ANXA8: variants seen among roughly 807,000 people sequenced by gnomAD.
ANXA8 encodes VAC-beta.
Under a neutral mutation model 26.8 loss-of-function variants are expected in ANXA8, and 9 were observed. The observed-to-expected ratio is 0.34, with a 90% CI of 0.20 to 0.59. The LOEUF is 0.59. Ranked by LOEUF, ANXA8 falls within the 20% of genes least tolerant of loss-of-function variation. The pLI is 0.84. For synonymous variants in ANXA8, 39 were observed against 94.8 expected (o/e 0.41, Z 3.42); for missense variants, 83 against 238.5 (o/e 0.35, Z 4.29).
At chr10:47,700,123 T>C in the ANXA8 span, among the ~76,000 whole-genome samples, 1 of 151,984 alleles carries the variant, frequency 6.6e-6, no homozygotes, top group Non-Finnish European at 1.5e-5. Flanking sequence ...AATGAAAATA[T>C]ATGTGTTGTG....
At chr10:47,747,950 A>C in the ANXA8 span, among the ~76,000 whole-genome samples, 4 of 151,868 alleles carry the variant, frequency 2.6e-5, no homozygotes, top group African/African-American at 9.7e-5. Context: ...TTTGAACTGT[A>C]ATATAGGACA....
chr10:47,733,113 C>T, the ANXA8 span, among the ~76,000 whole-genome samples: 1 of 151,700 alleles, frequency 6.6e-6, no homozygotes, highest in African/African-American at 2.4e-5. Context: ...AATCCATTGG[C>T]CTAAATTACC....
At chr10:47,555,521 C>T in the ANXA8 span, among the ~76,000 whole-genome samples, 5 of 151,978 alleles carry the variant, frequency 3.3e-5, no homozygotes, top group Admixed American at 3.3e-4. Context: ...TGTGGCTTCT[C>T]TTTCCTAATC....
chr10:47,961,343 C>G, the ANXA8 span, among the ~76,000 whole-genome samples: 1 of 124,930 alleles, frequency 8.0e-6, no homozygotes, highest in East Asian at 2.3e-4. Flanking sequence ...TGAAGAAGGC[C>G]AGTGTGGCTG....
the ANXA8 span, among the ~76,000 whole-genome samples, chr10:47,943,864 T>C: frequency 1.4e-5 from 2 of 147,858 alleles, no homozygotes; most frequent in Non-Finnish European, 3.0e-5. Flanking sequence ...TGCTCCTGCC[T>C]GGTCCGGGGC....
the ANXA8 span, among the ~76,000 whole-genome samples, chr10:47,547,833 C>T: frequency 7.2e-6 from 1 of 138,222 alleles, no homozygotes; most frequent in Non-Finnish European, 1.6e-5. Flanking sequence ...CTGATTTGAT[C>T]ATCACACATT....
At chr10:47,743,277 T>TATAC in the ANXA8 span, among the ~76,000 whole-genome samples, 89 of 92,242 alleles carry the variant, frequency 9.6e-4, no homozygotes, top group Admixed American at 1.9e-3. Context: ...TATATATATA[T>TATAC]ACACACATAT....
At chr10:47,666,314 A>C in the ANXA8 span, among the ~76,000 whole-genome samples, 1 of 150,506 alleles carries the variant, frequency 6.6e-6, no homozygotes, top group Non-Finnish European at 1.5e-5. Context: ...TGTGACAGTG[A>C]AATTATTTGA....
the ANXA8 span, among the ~76,000 whole-genome samples, chr10:47,744,652 G>A: frequency 6.6e-5 from 10 of 151,980 alleles, no homozygotes; most frequent in Admixed American, 2.0e-4. Context: ...ACAATCCGGC[G>A]TCATAGTGGC....
At chr10:47,528,128 G>T in the ANXA8 span, among the ~76,000 whole-genome samples, 1 of 133,340 alleles carries the variant, frequency 7.5e-6, no homozygotes, top group African/African-American at 2.7e-5. Context: ...CACCCAGGCT[G>T]GAGTGCAGTG....
At chr10:47,694,369 G>A in the ANXA8 span, among the ~76,000 whole-genome samples, 2 of 150,422 alleles carry the variant, frequency 1.3e-5, no homozygotes, top group African/African-American at 2.5e-5. Context: ...TGGATAGCTT[G>A]GGTAGTTCAT....
chr10:47,639,746 TTA>T, the ANXA8 span, among the ~76,000 whole-genome samples: 1 of 149,644 alleles, frequency 6.7e-6, no homozygotes, highest in Non-Finnish European at 1.5e-5. Context: ...TTTTTTATTG[TTA>T]TAGAACATAC....
chr10:47,894,946 G>A, the ANXA8 span, among the ~76,000 whole-genome samples: 3 of 150,814 alleles, frequency 2.0e-5, no homozygotes, highest in South Asian at 2.1e-4. Context: ...AACACAGCAC[G>A]CACTACACAC....
At chr10:47,564,817 A>T in the ANXA8 span, 1 of 873,426 alleles carries the variant, frequency 1.1e-6, no homozygotes, top group East Asian at 2.5e-5. Context: ...CGCAGAATGG[A>T]ATAAGCTACG....
the ANXA8 span, among the ~76,000 whole-genome samples, chr10:47,688,397 G>A: frequency 7.4e-5 from 11 of 149,470 alleles, no homozygotes; most frequent in African/African-American, 2.2e-4. Context: ...TTACCGGTGT[G>A]AGCCACCATG....
chr10:47,907,250 G>A, the ANXA8 span, among the ~76,000 whole-genome samples: 96 of 151,624 alleles, frequency 6.3e-4, no homozygotes, highest in African/African-American at 2.3e-3. Flanking sequence ...CCAGCTACTT[G>A]GGAGGCTGAG....
At chr10:47,896,069 G>T in the ANXA8 span, among the ~76,000 whole-genome samples, 29 of 149,870 alleles carry the variant, frequency 1.9e-4, no homozygotes, top group Middle Eastern at 3.5e-3. Flanking sequence ...AACCTCTTGG[G>T]AATATGAGAC....
the ANXA8 span, among the ~76,000 whole-genome samples, chr10:47,574,018 A>T: frequency 0.01 from 1,340 of 129,666 alleles, 21 homozygotes; most frequent in African/African-American, 0.036. Flanking sequence ...CGTCGACTAA[A>T]AAGTAAAATT....
the ANXA8 span, among the ~76,000 whole-genome samples, chr10:47,556,601 G>T: frequency 6.6e-6 from 1 of 151,764 alleles, no homozygotes; most frequent in Non-Finnish European, 1.5e-5. Context: ...AAAGAAAGCT[G>T]TATGTTTTAT....
Sources: gnomAD v4.1 joint callset for allele counts (sites outside exome capture counted in the v4.1 genomes callset) on GRCh38, gnomAD v4.1.1 for gene constraint, MANE v1.5 for transcripts, NCBI Gene and HGNC (gene_info 2026-07-23, HGNC 2026-07-21) for gene names.